The following LRRC49 variants were observed in gnomAD, a reference collection of about 807,000 sequenced individuals.
The protein encoded by LRRC49 is leucine-rich repeat-containing protein 49.
In LRRC49, 50 loss-of-function variants were observed where a neutral mutation model predicts 83.3. The observed-to-expected ratio is 0.60, with a 90% CI of 0.48 to 0.76. The LOEUF is 0.76. Among genes scored for constraint, LRRC49 ranks in the 30% least tolerant of loss-of-function variants. LRRC49 has a pLI of 0.00. For synonymous variants in LRRC49, 286 were observed against 283.3 expected, an observed-to-expected ratio of 1.01 and a Z score of -0.10; for missense variants, 704 against 809.1, an observed-to-expected ratio of 0.87 and a Z score of 1.58.
intron 11 of LRRC49, among the ~76,000 whole-genome samples, chr15:71,001,991 G>A (rs2038275712): frequency 6.6e-6 from 1 of 152,068 alleles, no homozygotes; most frequent in Non-Finnish European, 1.5e-5. Context: ...GTGCCCGGCT[G>A]TCTATCTGCT....
At chr15:70,872,920 T>A in exon 2 of LRRC49, 3 of 222,782 alleles carry the variant, frequency 1.3e-5, no homozygotes, top group East Asian at 8.5e-5. Context: ...GGAGTCTCAC[T>A]CTGTCGCCTA....
intron 11 of LRRC49, among the ~76,000 whole-genome samples, chr15:70,986,713 A>G (rs2037634289): frequency 6.6e-6 from 1 of 152,144 alleles, no homozygotes; most frequent in African/African-American, 2.4e-5. Flanking sequence ...GTCTTGTGCC[A>G]GTTTTCAAAG....
chr15:70,889,182 C>G (rs2033487155), upstream of LRRC49, among the ~76,000 whole-genome samples: 1 of 151,958 alleles, frequency 6.6e-6, no homozygotes, highest in South Asian at 2.1e-4. Context: ...GGTAAAAACC[C>G]AAATGTTCAA....
intron 8 of LRRC49, among the ~76,000 whole-genome samples, chr15:70,955,912 C>T (rs1298267824): frequency 6.6e-6 from 1 of 152,112 alleles, no homozygotes; most frequent in Non-Finnish European, 1.5e-5. Flanking sequence ...GTGTATATTT[C>T]AGTCCTTGTG....
intron 11 of LRRC49, among the ~76,000 whole-genome samples, chr15:70,988,974 T>C (rs994053883): frequency 6.6e-6 from 1 of 152,242 alleles, no homozygotes; most frequent in African/African-American, 2.4e-5. Context: ...CCCCACTCTC[T>C]TCTGGCTTGT....
In LRRC49 at chr15:71,052,258, G is replaced by C. The variant is rs1567119066; in HGVS notation, c.*2646G>C. The C allele has an allele frequency of 6.6e-6, 1 of 152,130 alleles. No individual in the cohort carries two copies. Among genetic ancestry groups the C allele is most frequent in the Non-Finnish European group, 1.5e-5 (1 of 68,050 alleles). The allele number at this position is 152,130 out of a possible 1,614,324, so 9.4% of individuals were successfully genotyped here. ...GAGACTCTCTAGGCTAGTGTGTGCT[G>C]AAGAATTGCTTTTTTTCAAAAGGGA... On this transcript the variant is annotated 3_prime_UTR_variant, in exon 16 of 16. Transcript: ENST00000260382.
chr15:71,011,280 CT>C (rs1395660034), intron 13 of LRRC49, among the ~76,000 whole-genome samples: 1 of 152,086 alleles, frequency 6.6e-6, no homozygotes, highest in African/African-American at 2.4e-5. Context: ...GTTATTTTTA[CT>C]GTGGGTGACT....
intron 4 of LRRC49, among the ~76,000 whole-genome samples, chr15:70,902,266 A>G (rs900102374): frequency 6.6e-6 from 1 of 152,200 alleles, no homozygotes; most frequent in African/African-American, 2.4e-5. Flanking sequence ...TGACATTAAC[A>G]GGAGCCAGTA....
intron 7 of LRRC49, among the ~76,000 whole-genome samples, chr15:70,933,504 A>G (rs1247461537): frequency 1.3e-5 from 2 of 152,184 alleles, no homozygotes; most frequent in Admixed American, 1.3e-4. Flanking sequence ...ATGAGAATTT[A>G]CCTTTCTTAC....
chr15:70,872,495 T>A (rs1055420507), intron 1 of LRRC49, among the ~76,000 whole-genome samples: 1 of 152,052 alleles, frequency 6.6e-6, no homozygotes, highest in African/African-American at 2.4e-5. Flanking sequence ...GAAAAAACAT[T>A]CATATTGGTG....
chr15:71,037,211 A>G lies in LRRC49; in HGVS notation c.1736A>G (p.Lys579Arg), dbSNP rs1403180779. 1 of 1,609,912 alleles carries G rather than the reference A, an allele frequency of 6.2e-7. No individual in the cohort carries two copies. The highest frequency in any genetic ancestry group is 2.2e-5 in the East Asian group (1 of 44,788). The change falls in exon 15 of 16, where the codon AAA (lysine) becomes AGA (arginine). Residue 579 changes from lysine (K) to arginine (R), a missense_variant. By Grantham distance (26) the Lys-to-Arg change is conservative. Coordinates refer to ENST00000260382, the MANE Select transcript of LRRC49 (RefSeq NM_017691.5). Reference protein sequence around the residue: ...KKQFRYLLESKGKKPGIINEE... With the variant: ...KKQFRYLLESRGKKPGIINEE... Reference sequence around the variant, plus strand: ...CAATTTCGGTATCTACTAGAATCCAAAGGAAAAAAACCTGGTATTATCAAC... The same window carrying G: ...CAATTTCGGTATCTACTAGAATCCAGAGGAAAAAAACCTGGTATTATCAAC...
chr15:70,882,702 A>G lies in LRRC49; in HGVS notation c.18+9479A>G, dbSNP rs79102621. 6,065 of 1,612,156 alleles carry G rather than the reference A, an allele frequency of 3.8e-3. 171 individuals carry two copies. In the East Asian group the frequency reaches 0.067, roughly 18 times the overall value. Reference sequence around the variant, plus strand: ...ATGAGTTAGACTTTGCTTTTCATATATCTTTAATATACGAAAGATCAATTC... The same window carrying G: ...ATGAGTTAGACTTTGCTTTTCATATGTCTTTAATATACGAAAGATCAATTC... On this transcript the variant is annotated intron_variant, in intron 2 of 16. Coordinates refer to the LRRC49 transcript ENST00000544974.
At chr15:70,882,451 T>C in intron 2 of LRRC49, 2 of 1,604,836 alleles carry the variant, frequency 1.2e-6, no homozygotes, top group Non-Finnish European at 1.7e-6. Flanking sequence ...TGATGTTGAG[T>C]TTTTAACATG....
chr15:70,933,580 T>G (rs767369271), intron 7 of LRRC49, among the ~76,000 whole-genome samples: 2 of 152,216 alleles, frequency 1.3e-5, no homozygotes, highest in Admixed American at 6.5e-5. Context: ...AAGCAGATTG[T>G]TGAGTGCTGG....
intron 11 of LRRC49, among the ~76,000 whole-genome samples, chr15:70,987,410 A>G (rs1199306418): frequency 1.3e-5 from 2 of 152,164 alleles, no homozygotes; most frequent in Non-Finnish European, 2.9e-5. Flanking sequence ...TAGATTTTCT[A>G]GTTTATTTGC....
upstream of LRRC49, chr15:70,892,601 G>A: frequency 3.4e-6 from 5 of 1,464,520 alleles, no homozygotes; most frequent in South Asian, 4.1e-5. Flanking sequence ...AGCAACCAGT[G>A]TGGCCAGCCT....
At chr15:70,906,479 CATT>C (rs2034319944) in intron 5 of LRRC49, among the ~76,000 whole-genome samples, 1 of 152,160 alleles carries the variant, frequency 6.6e-6, no homozygotes, top group Non-Finnish European at 1.5e-5. Flanking sequence ...ATATCATTAT[CATT>C]ATTCCCTGCT....
intron 2 of LRRC49, among the ~76,000 whole-genome samples, chr15:70,876,502 C>T (rs745579265): frequency 6.6e-6 from 1 of 152,124 alleles, no homozygotes; most frequent in African/African-American, 2.4e-5. Flanking sequence ...ATCCAGTCTT[C>T]AGAGAGGGTG....
At chr15:70,883,765 G>A (rs545549151) in intron 2 of LRRC49, among the ~76,000 whole-genome samples, 27 of 150,154 alleles carry the variant, frequency 1.8e-4, no homozygotes, top group African/African-American at 4.9e-4. Context: ...AGCAATTGTC[G>A]TGCCTCAGCC....
Sources: allele counts gnomAD v4.1 joint callset (sites outside exome capture counted in the v4.1 genomes callset), GRCh38; gene constraint gnomAD v4.1.1; transcripts MANE v1.5; gene names NCBI Gene and HGNC (gene_info 2026-07-23, HGNC 2026-07-21).